DPH6: variants seen among roughly 807,000 people sequenced by gnomAD.
DPH6 encodes diphthamine biosynthesis 6, also known as diphthine--ammonia ligase.
DPH6 carries 33 observed loss-of-function variants against 38.2 expected under a neutral mutation model. The ratio of observed to expected loss-of-function variants is 0.86; its 90% confidence interval spans 0.65 to 1.15. DPH6 has a LOEUF of 1.15. Among genes scored for constraint, DPH6 ranks in the 50% most tolerant of loss-of-function variants. DPH6 has a pLI of 0.00. For missense variants in DPH6, 325 were observed against 320.0 expected (o/e 1.02, Z -0.12); for synonymous variants, 108 against 103.0 (o/e 1.05, Z -0.30).
At chr15:35,384,386 C>T (rs562662293) in intron 6 of DPH6, among the ~76,000 whole-genome samples, 1 of 152,202 alleles carries the variant, frequency 6.6e-6, no homozygotes, top group African/African-American at 2.4e-5. Context: ...TATTCTTATA[C>T]AGATGTATTT....
intron 6 of DPH6, among the ~76,000 whole-genome samples, chr15:35,389,629 T>G (rs1029730586): frequency 6.6e-6 from 1 of 152,234 alleles, no homozygotes; most frequent in Non-Finnish European, 1.5e-5. Context: ...CTTTGTTGGT[T>G]TAAAGTCTGT....
intron 3 of DPH6, among the ~76,000 whole-genome samples, chr15:35,488,794 A>T (rs1325362037): frequency 6.6e-6 from 1 of 152,226 alleles, no homozygotes; most frequent in Non-Finnish European, 1.5e-5. Flanking sequence ...AATTATAATC[A>T]GTAAAACAGA....
intron 3 of DPH6, among the ~76,000 whole-genome samples, chr15:35,358,629 C>G (rs929457938): frequency 8.5e-5 from 13 of 152,122 alleles, no homozygotes; most frequent in African/African-American, 3.1e-4. Context: ...TCCTGTGATC[C>G]AAACTGCAGT....
intron 3 of DPH6, among the ~76,000 whole-genome samples, chr15:35,258,127 G>A (rs1377798228): frequency 2.6e-5 from 4 of 152,026 alleles, no homozygotes; most frequent in African/African-American, 9.7e-5. Context: ...TGTTATTCTT[G>A]TTTTTAATTT....
At chr15:35,430,950 G>A (rs1410330096) in intron 5 of DPH6, among the ~76,000 whole-genome samples, 1 of 152,056 alleles carries the variant, frequency 6.6e-6, no homozygotes, top group Non-Finnish European at 1.5e-5. Context: ...GCTTTTATGA[G>A]CCTGTCAAAA....
chr15:35,232,382 C>T (rs1159059107), intron 3 of DPH6, among the ~76,000 whole-genome samples: 1 of 152,038 alleles, frequency 6.6e-6, no homozygotes, highest in African/African-American at 2.4e-5. Context: ...GAGTTCAAGA[C>T]CATCCTGGCC....
intron 6 of DPH6, among the ~76,000 whole-genome samples, chr15:35,407,850 C>A (rs748068092): frequency 6.6e-6 from 1 of 151,950 alleles, no homozygotes; most frequent in Admixed American, 6.6e-5. Context: ...GGATGCTGAT[C>A]GTACAGGGTC....
At chr15:35,226,355 G>A (rs1231401509) in intron 3 of DPH6, among the ~76,000 whole-genome samples, 1 of 152,006 alleles carries the variant, frequency 6.6e-6, no homozygotes, top group East Asian at 1.9e-4. Flanking sequence ...CTTTACATAC[G>A]TAAGGTAACA....
the DPH6 span, among the ~76,000 whole-genome samples, chr15:35,163,041 G>A: frequency 2.0e-5 from 3 of 151,808 alleles, no homozygotes; most frequent in South Asian, 6.2e-4. Flanking sequence ...GGAAAATGGA[G>A]AAAACAAAAC....
chr15:35,528,459 A>G (rs1353705300), intron 3 of DPH6, among the ~76,000 whole-genome samples: 1 of 152,194 alleles, frequency 6.6e-6, no homozygotes, highest in Non-Finnish European at 1.5e-5. Flanking sequence ...TACCTTATAT[A>G]GACTTTTTGT....
chr15:35,299,428 C>G lies in DPH6; in HGVS notation n.200+74093G>C, dbSNP rs377428155. 4 of 783,002 alleles carry G rather than the reference C, an allele frequency of 5.1e-6. No homozygotes were observed. In the South Asian group the frequency reaches 5.4e-5, roughly 10 times the overall value. The allele number at this position is 783,002 out of a possible 1,614,324, so 48.5% of individuals were successfully genotyped here. ...TTTTGAGTCACTGGTTTCCTCTGATCGTACAGGGACATCTTTTCTTCGGTT... is the reference window on the plus strand; with the variant it reads ...TTTTGAGTCACTGGTTTCCTCTGATGGTACAGGGACATCTTTTCTTCGGTT... On this transcript the variant is annotated intron_variant and non_coding_transcript_variant, in intron 3 of 3. Transcript: ENST00000560386.
At chr15:35,250,806 G>T (rs76222315) in intron 3 of DPH6, among the ~76,000 whole-genome samples, 1,996 of 152,204 alleles carry the variant, frequency 0.013, 43 homozygotes, top group African/African-American at 0.046. Context: ...GCAGAGCCAC[G>T]TATAAAGCTT....
chr15:35,259,160 AAGATTCCTACT>A (rs1294011122), intron 3 of DPH6, among the ~76,000 whole-genome samples: 29 of 137,946 alleles, frequency 2.1e-4, no homozygotes, highest in African/African-American at 7.2e-4. Context: ...AAAAAAAAAA[AAGATTCCTACT>A]AGGTGATCAT....
chr15:35,478,718 G>A (rs1293968050), intron 3 of DPH6, among the ~76,000 whole-genome samples: 1 of 151,788 alleles, frequency 6.6e-6, no homozygotes, highest in Non-Finnish European at 1.5e-5. Flanking sequence ...TTTTTAACCT[G>A]CAACAATGAG....
intron 3 of DPH6, among the ~76,000 whole-genome samples, chr15:35,498,084 G>A (rs2054580243): frequency 6.6e-6 from 1 of 152,114 alleles, no homozygotes; most frequent in Non-Finnish European, 1.5e-5. Flanking sequence ...ACAGCACTAT[G>A]CAAGTTCATA....
At chr15:35,220,254 T>G (rs1253827816) in exon 4 of DPH6, 1 of 152,124 alleles carries the variant, frequency 6.6e-6, no homozygotes, top group Non-Finnish European at 1.5e-5. Flanking sequence ...AAAAGTTGAG[T>G]GGGAAATACC....
At chr15:35,481,286 T>C (rs1306861767) in intron 3 of DPH6, among the ~76,000 whole-genome samples, 1 of 152,204 alleles carries the variant, frequency 6.6e-6, no homozygotes, top group Non-Finnish European at 1.5e-5. Context: ...CACATTGCCC[T>C]GCACTGTGGG....
chr15:35,283,757 TACACACACACAC>T (rs3028682), intron 3 of DPH6, among the ~76,000 whole-genome samples: 13 of 140,498 alleles, frequency 9.3e-5, no homozygotes, highest in Non-Finnish European at 1.6e-4. Flanking sequence ...GCACAGATAG[TACACACACACAC>T]ACACACACAC....
chr15:35,425,057 A>G (rs1340019543), intron 5 of DPH6, among the ~76,000 whole-genome samples: 2 of 151,672 alleles, frequency 1.3e-5, no homozygotes, highest in Admixed American at 6.6e-5. Flanking sequence ...ATGTACTCAC[A>G]TATAGTTGAG....
Sources: allele counts gnomAD v4.1 joint callset (sites outside exome capture counted in the v4.1 genomes callset), GRCh38; gene constraint gnomAD v4.1.1; transcripts MANE v1.5; gene names NCBI Gene and HGNC (gene_info 2026-07-23, HGNC 2026-07-21).